Variants in LHFPL4 observed in about 807,000 individuals in gnomAD.
LHFPL4 encodes the protein LHFPL tetraspan subfamily member 4.
In LHFPL4, 6 loss-of-function variants were observed where a neutral mutation model predicts 20.0. The ratio of observed to expected loss-of-function variants is 0.30; its 90% CI spans 0.16 to 0.59. LHFPL4 has a LOEUF of 0.59. Among genes scored for constraint, LHFPL4 ranks in the 20% least tolerant of loss-of-function variants. The pLI is 0.88. For synonymous variants in LHFPL4, 129 were observed against 143.8 expected (o/e 0.90, Z 0.74); for missense variants, 215 against 331.2 (o/e 0.65, Z 2.72).
At chr3:9,542,195 A>G (rs918284293) in intron 2 of LHFPL4, among the ~76,000 whole-genome samples, 1 of 152,186 alleles carries the variant, frequency 6.6e-6, no homozygotes, top group African/African-American at 2.4e-5. Context: ...CTGAGGCACA[A>G]GAATCGCTTG....
chr3:9,504,966 A>T (rs1453676748), intron 3 of LHFPL4, among the ~76,000 whole-genome samples: 1 of 151,158 alleles, frequency 6.6e-6, no homozygotes, highest in Non-Finnish European at 1.5e-5. Context: ...TCAACATTAT[A>T]TTACTGAGAT....
At chr3:9,543,298 G>A (rs1213398596) in intron 2 of LHFPL4, among the ~76,000 whole-genome samples, 1 of 151,844 alleles carries the variant, frequency 6.6e-6, no homozygotes, top group East Asian at 1.9e-4. Context: ...TCAGGAGATC[G>A]AGACCATCCT....
chr3:9,543,265 G>A (rs2046489084), intron 2 of LHFPL4, among the ~76,000 whole-genome samples: 1 of 152,124 alleles, frequency 6.6e-6, no homozygotes, highest in Admixed American at 6.5e-5. Flanking sequence ...ACTGTGGGAG[G>A]CCGAGGTGGG....
At chr3:9,540,839 C>T (rs972054965) in intron 2 of LHFPL4, among the ~76,000 whole-genome samples, 4 of 151,272 alleles carry the variant, frequency 2.6e-5, no homozygotes, top group Non-Finnish European at 4.4e-5. Flanking sequence ...TACAGTGAGC[C>T]GTGATCACAC....
chr3:9,539,983 C>T (rs575774648), intron 2 of LHFPL4, among the ~76,000 whole-genome samples: 1 of 152,160 alleles, frequency 6.6e-6, no homozygotes, highest in Non-Finnish European at 1.5e-5. Flanking sequence ...GGAACAGGTA[C>T]TATCATACAT....
At chr3:9,514,616 A>G (rs1311475938) in intron 2 of LHFPL4, among the ~76,000 whole-genome samples, 1 of 152,228 alleles carries the variant, frequency 6.6e-6, no homozygotes, top group Non-Finnish European at 1.5e-5. Flanking sequence ...CATATCATAC[A>G]GAGTATTTTC....
intron 2 of LHFPL4, among the ~76,000 whole-genome samples, chr3:9,533,606 C>A (rs535880964): frequency 2.1e-4 from 32 of 152,230 alleles, no homozygotes; most frequent in African/African-American, 7.0e-4. Flanking sequence ...CATGATGAAA[C>A]CCCGTCTCTA....
At chr3:9,535,749 A>G (rs1203565214) in intron 2 of LHFPL4, among the ~76,000 whole-genome samples, 2 of 152,074 alleles carry the variant, frequency 1.3e-5, no homozygotes, top group Non-Finnish European at 2.9e-5. Context: ...TTCTGTCCAC[A>G]TTGGGGCCAC....
intron 2 of LHFPL4, among the ~76,000 whole-genome samples, chr3:9,533,468 A>G (rs2046423485): frequency 6.6e-6 from 1 of 152,176 alleles, no homozygotes; most frequent in Non-Finnish European, 1.5e-5. Context: ...CATTTCAAAA[A>G]CAGGCAAAAT....
intron 2 of LHFPL4, among the ~76,000 whole-genome samples, chr3:9,528,833 T>C (rs1353872627): frequency 6.6e-6 from 1 of 152,054 alleles, no homozygotes; most frequent in Non-Finnish European, 1.5e-5. Flanking sequence ...CAGGCTCGTC[T>C]TGAACTCCTG....
At chr3:9,536,956 C>T (rs1176204227) in intron 2 of LHFPL4, among the ~76,000 whole-genome samples, 2 of 151,172 alleles carry the variant, frequency 1.3e-5, no homozygotes, top group Non-Finnish European at 2.9e-5. Flanking sequence ...TGTGGTAGTG[C>T]GCGCCTGCAG....
intron 2 of LHFPL4, among the ~76,000 whole-genome samples, chr3:9,542,393 C>CATGGT (rs2046482473): frequency 6.6e-6 from 1 of 152,190 alleles, no homozygotes; most frequent in South Asian, 2.1e-4. Flanking sequence ...ATAAACAAAA[C>CATGGT]ATGGTATGCC....
At chr3:9,523,040 C>CAAAA (rs751625372) in intron 2 of LHFPL4, among the ~76,000 whole-genome samples, 6 of 77,302 alleles carry the variant, frequency 7.8e-5, no homozygotes, top group Non-Finnish European at 1.2e-4. Context: ...GACTCCGTCT[C>CAAAA]AAAAAAAAAA....
chr3:9,503,870 A>G (rs2046196124), intron 3 of LHFPL4, among the ~76,000 whole-genome samples: 1 of 152,142 alleles, frequency 6.6e-6, no homozygotes. Context: ...TACAAAAAAT[A>G]CAAAAATTAG....
intron 2 of LHFPL4, among the ~76,000 whole-genome samples, chr3:9,517,519 A>G (rs1169699961): frequency 6.6e-6 from 1 of 151,734 alleles, no homozygotes. Flanking sequence ...TCTGAGAAAC[A>G]GACAGAGACC....
At chr3:9,517,798 T>G (rs1243682935) in intron 2 of LHFPL4, among the ~76,000 whole-genome samples, 3 of 125,566 alleles carry the variant, frequency 2.4e-5, no homozygotes, top group Non-Finnish European at 3.6e-5. Context: ...GTTGGGTTTT[T>G]TTGTTTTTTG....
chr3:9,523,154 C>A (rs2046351227), intron 2 of LHFPL4, among the ~76,000 whole-genome samples: 1 of 151,164 alleles, frequency 6.6e-6, no homozygotes, highest in African/African-American at 2.4e-5. Flanking sequence ...CATGGTGGCT[C>A]ATGCCTGTAA....
chr3:9,508,956 T>G lies in LHFPL4; in HGVS notation c.407-2753A>C, dbSNP rs191667614. 1.5e-3 allele frequency among the ~76,000 whole-genome samples: 223 copies of G among 152,264 alleles called. 1 individual carries two copies. The highest frequency in any genetic ancestry group is 9.4e-3 in the Admixed American group (144 of 15,296). On this transcript the variant is annotated intron_variant, in intron 2 of 3. Transcript: ENST00000287585. ...CACCGTCCCTTTGCCACCTCTCTGG[T>G]CGTCCATTCCCGTGGTGCCAGAGGC...
intron 2 of LHFPL4, among the ~76,000 whole-genome samples, chr3:9,551,446 G>T (rs1401512731): frequency 6.6e-6 from 1 of 151,728 alleles, no homozygotes; most frequent in Non-Finnish European, 1.5e-5. Flanking sequence ...CTGATCGAAA[G>T]GTGGGTGGAA....
Sources: allele counts gnomAD v4.1 joint callset (sites outside exome capture counted in the v4.1 genomes callset), GRCh38; gene constraint gnomAD v4.1.1; transcripts MANE v1.5; gene names NCBI Gene and HGNC (gene_info 2026-07-23, HGNC 2026-07-21).